The following CCDC32 variants were observed in gnomAD, a reference collection of about 807,000 sequenced individuals.
CCDC32 encodes coiled-coil domain containing 32, also known as coiled-coil domain-containing protein 32.
Under a neutral mutation model 20.1 loss-of-function variants are expected in CCDC32, and 9 were observed. The observed-to-expected ratio is 0.45, with a 90% CI of 0.27 to 0.78. CCDC32 has a LOEUF of 0.78. CCDC32 is among the 30% of genes least tolerant of loss of function. The probability of loss-of-function intolerance (pLI) is 0.16; values close to 1 mark genes in which losing one functional copy is unlikely to be tolerated. For synonymous variants in CCDC32, 63 were observed against 79.0 expected (o/e 0.80, Z 1.07); for missense variants, 204 against 215.5 (o/e 0.95, Z 0.33).
chr15:40,560,182 G>A (rs11637239), intron 2 of CCDC32, among the ~76,000 whole-genome samples: 21,820 of 152,136 alleles, frequency 0.14, 2,311 homozygotes, highest in East Asian at 0.51. Context: ...GCTAATTTGT[G>A]TATTTTTATT....
At chr15:40,529,543 T>G (rs1595881745) in intron 3 of CCDC32, 1 of 152,280 alleles carries the variant, frequency 6.6e-6, no homozygotes, top group East Asian at 1.9e-4. Flanking sequence ...TTCTGTAAGT[T>G]TGAAATTGTA....
At chr15:40,558,538 G>A (rs1024868703) in intron 2 of CCDC32, among the ~76,000 whole-genome samples, 1 of 152,066 alleles carries the variant, frequency 6.6e-6, no homozygotes, top group Non-Finnish European at 1.5e-5. Flanking sequence ...CAAAGTGGAA[G>A]GTACTCTTTT....
chr15:40,549,459 C>T (rs1037311537), downstream of CCDC32, among the ~76,000 whole-genome samples: 4 of 152,148 alleles, frequency 2.6e-5, no homozygotes, highest in Non-Finnish European at 5.9e-5. Flanking sequence ...ATGGACTCAG[C>T]TCCCCTAACA....
At chr15:40,545,246 A>C (rs1889567561) in intron 3 of CCDC32, among the ~76,000 whole-genome samples, 1 of 152,168 alleles carries the variant, frequency 6.6e-6, no homozygotes, top group Admixed American at 6.5e-5. Context: ...CAAAGGATGT[A>C]AGATTAAAGA....
chr15:40,529,518 T>C (rs1252145097), intron 3 of CCDC32: 2 of 152,268 alleles, frequency 1.3e-5, no homozygotes, highest in Non-Finnish European at 2.9e-5. Flanking sequence ...TGGAAATTCC[T>C]TGTACATTCA....
chr15:40,553,103 G>A lies in CCDC32; in HGVS notation c.*868C>T, dbSNP rs8042729. 158,044 of 983,666 alleles carry A rather than the reference G, an allele frequency of 0.16. 15,103 individuals are homozygous for A. Among genetic ancestry groups the A allele is most frequent in the East Asian group, 0.66 (5,801 of 8,780 alleles). The allele number at this position is 983,666 out of a possible 1,614,324, so 60.9% of individuals were successfully genotyped here. ...ACAGCACCACAGACACTGCTATTCC[G>A]TTGAGAAAAGTTTTATATGGAAACA... On this transcript the variant is annotated 3_prime_UTR_variant, in exon 4 of 4. Coordinates refer to ENST00000416810, the MANE Select transcript of CCDC32 (RefSeq NM_001080792.4).
intron 3 of CCDC32, among the ~76,000 whole-genome samples, chr15:40,539,570 G>C (rs1473409918): frequency 6.6e-6 from 1 of 152,134 alleles, no homozygotes; most frequent in Non-Finnish European, 1.5e-5. Flanking sequence ...ACAAACGGAG[G>C]CACAGGGGAC....
chr15:40,530,291 CA>C (rs3068017), downstream of CCDC32, among the ~76,000 whole-genome samples: 4,364 of 99,458 alleles, frequency 0.044, 234 homozygotes, highest in African/African-American at 0.16. Context: ...AACTACATCT[CA>C]AAAAAAAAAA....
chr15:40,561,437 C>G (rs1375757422), intron 2 of CCDC32, among the ~76,000 whole-genome samples: 1 of 148,320 alleles, frequency 6.7e-6, no homozygotes, highest in Non-Finnish European at 1.5e-5. Context: ...CGTGCCACTG[C>G]ATTCCAGCCT....
downstream of CCDC32, among the ~76,000 whole-genome samples, chr15:40,528,021 T>C (rs553777058): frequency 2.0e-5 from 3 of 152,342 alleles, no homozygotes; most frequent in Non-Finnish European, 4.4e-5. Context: ...AGTAATTTTG[T>C]CAATTTGATA....
intron 1 of CCDC32, among the ~76,000 whole-genome samples, chr15:40,563,287 C>T (rs1890780827): frequency 1.3e-5 from 2 of 152,060 alleles, no homozygotes; most frequent in Admixed American, 6.5e-5. Context: ...CACCTTAGCC[C>T]AGGAGATAGA....
chr15:40,540,177 G>C (rs984025663), intron 3 of CCDC32, among the ~76,000 whole-genome samples: 3 of 152,030 alleles, frequency 2.0e-5, no homozygotes, highest in African/African-American at 7.2e-5. Flanking sequence ...GCTCTGACTA[G>C]GGCAATCCAG....
chr15:40,539,433 G>C, intron 3 of CCDC32: 1 of 1,267,672 alleles, frequency 7.9e-7, no homozygotes, highest in Non-Finnish European at 1.1e-6. Flanking sequence ...CAGAGTCAAA[G>C]AGAGACAGGC....
In CCDC32 at chr15:40,554,001, G is replaced by A. The variant is rs751196938; in HGVS notation, c.528C>T (p.Ala176=). The A allele has an allele frequency of 1.2e-5, 19 of 1,609,416 alleles. No individual in the cohort carries two copies. Among genetic ancestry groups the A allele is most frequent in the Middle Eastern group, 1.7e-4 (1 of 5,946 alleles). ...GTTCTGCTGCTGCTGGCTTGTCCCC[G>A]GCTGCTGGCTCGTCCTCGGCCACTG... The part of the protein sequence containing the change: ...EKPVAEDEPA[A]GDKPAAAEQ Residue 176 remains alanine, a synonymous_variant, in exon 4 of 4, where the codon GCC becomes GCT. Transcript: ENST00000416810.
At chr15:40,534,689 TCA>T (rs1342113823), downstream of CCDC32, 3 of 553,058 alleles carry the variant, frequency 5.4e-6, no homozygotes, top group East Asian at 9.2e-5. Flanking sequence ...CATTGTATCC[TCA>T]CATGGCAGAA....
intron 3 of CCDC32, among the ~76,000 whole-genome samples, chr15:40,554,750 G>A (rs1020136779): frequency 6.6e-6 from 1 of 152,104 alleles, no homozygotes; most frequent in Non-Finnish European, 1.5e-5. Context: ...TAGGGAGAGG[G>A]GAGATGTAAT....
downstream of CCDC32, chr15:40,535,491 T>A: frequency 1.0e-6 from 1 of 987,958 alleles, no homozygotes; most frequent in Non-Finnish European, 1.2e-6. Context: ...TTTTTCCACA[T>A]ATTGAAATTG....
intron 3 of CCDC32, 138 bp from the exon 4 acceptor site, chr15:40,554,265 G>C (rs577812052): frequency 3.3e-6 from 4 of 1,224,336 alleles, no homozygotes; most frequent in Non-Finnish European, 3.3e-6. Flanking sequence ...TGCTAAACTG[G>C]GAAGTACAAG....
intron 1 of CCDC32, among the ~76,000 whole-genome samples, chr15:40,563,503 G>C (rs1890795673): frequency 6.6e-6 from 1 of 152,184 alleles, no homozygotes; most frequent in Non-Finnish European, 1.5e-5. Flanking sequence ...GGAGCTGGGG[G>C]CTGGGAGGTA....
Sources: allele counts gnomAD v4.1 joint callset (sites outside exome capture counted in the v4.1 genomes callset), GRCh38; gene constraint gnomAD v4.1.1; transcripts MANE v1.5; gene names NCBI Gene and HGNC (gene_info 2026-07-23, HGNC 2026-07-21).